PSMD1: variants seen among roughly 807,000 people sequenced by gnomAD.
PSMD1 encodes 26S proteasome non-ATPase regulatory subunit 1.
A neutral mutation model predicts 119.0 loss-of-function variants in PSMD1; 18 were observed. The ratio of observed to expected loss-of-function variants is 0.15; its 90% CI spans 0.10 to 0.22. PSMD1 has a LOEUF of 0.22. Ranked by LOEUF, PSMD1 falls within the 10% of genes least tolerant of loss-of-function variation. PSMD1 has a pLI of 1.00. For synonymous variants in PSMD1, 374 were observed against 396.6 expected, an observed-to-expected ratio of 0.94 and a Z score of 0.68; for missense variants, 702 against 1,158.5, an observed-to-expected ratio of 0.61 and a Z score of 5.72.
intron 17 of PSMD1, among the ~76,000 whole-genome samples, chr2:231,144,112 C>T (rs953449696): frequency 3.9e-5 from 6 of 152,198 alleles, no homozygotes; most frequent in African/African-American, 1.2e-4. Flanking sequence ...ATATTAGAGA[C>T]AGGGTCAACT....
chr2:231,169,442 G>A (rs1236196057), intron 23 of PSMD1, among the ~76,000 whole-genome samples: 1 of 152,116 alleles, frequency 6.6e-6, no homozygotes, highest in Admixed American at 6.5e-5. Flanking sequence ...TTCATAAAAT[G>A]GATCCTCTTC....
chr2:231,163,734 T>C lies in PSMD1; in HGVS notation c.2481+7T>C, dbSNP rs1559255355. 2 of 1,582,578 alleles carry C rather than the reference T, an allele frequency of 1.3e-6. No individual in the cohort carries two copies. Among genetic ancestry groups the C allele is most frequent in the South Asian group, 1.1e-5 (1 of 90,180 alleles). The stretch of plus-strand genomic sequence containing the variant: ...AGAAAAAGAAAAGGAAAAGGTAGGT[T>C]CTTTGTTCCTTTTAGCAGCATTTGT... On this transcript the variant is annotated splice_region_variant and intron_variant, in intron 21 of 24. Transcript: ENST00000308696.
chr2:231,085,994 C>G (rs1054456376), intron 15 of PSMD1, among the ~76,000 whole-genome samples: 1 of 150,824 alleles, frequency 6.6e-6, no homozygotes, highest in Non-Finnish European at 1.5e-5. Context: ...TCTAAATGTT[C>G]ATATTTTGCA....
At chr2:231,160,895 C>T (rs1191681066) in intron 19 of PSMD1, among the ~76,000 whole-genome samples, 1 of 152,142 alleles carries the variant, frequency 6.6e-6, no homozygotes, top group Non-Finnish European at 1.5e-5. Context: ...CCAGATGTTT[C>T]CCTACTGCAG....
chr2:231,102,038 T>C (rs777985204), intron 16 of PSMD1, among the ~76,000 whole-genome samples: 6 of 152,188 alleles, frequency 3.9e-5, no homozygotes, highest in Non-Finnish European at 8.8e-5. Flanking sequence ...CAGGCTCATC[T>C]TGACCTCTGG....
intron 19 of PSMD1, 43 bp downstream of exon 19, chr2:231,153,709 A>G (rs751606362): frequency 1.3e-5 from 17 of 1,276,910 alleles, no homozygotes; most frequent in Admixed American, 4.0e-5. Context: ...TTTAAACTAA[A>G]TCTAATAAAA....
chr2:231,102,735 C>A (rs1267414011), intron 16 of PSMD1, among the ~76,000 whole-genome samples: 1 of 149,806 alleles, frequency 6.7e-6, no homozygotes, highest in East Asian at 1.9e-4. Context: ...GAAGGGGAGG[C>A]AGAAGAAGTA....
intron 7 of PSMD1, among the ~76,000 whole-genome samples, chr2:231,074,430 A>G (rs1694114526): frequency 6.6e-6 from 1 of 151,898 alleles, no homozygotes; most frequent in Admixed American, 6.6e-5. Context: ...TGATTTAACA[A>G]GTTTTCTTTC....
intron 4 of PSMD1, among the ~76,000 whole-genome samples, chr2:231,064,196 C>T (rs551715762): frequency 1.1e-4 from 16 of 152,164 alleles, no homozygotes; most frequent in Non-Finnish European, 2.1e-4. Flanking sequence ...CACCCTTCCT[C>T]TAGTTTTGTA....
At chr2:231,074,309 T>C (rs1362477118) in intron 7 of PSMD1, among the ~76,000 whole-genome samples, 2 of 152,164 alleles carry the variant, frequency 1.3e-5, no homozygotes, top group East Asian at 3.9e-4. Flanking sequence ...TTTCACCATA[T>C]TGGCCAGGCT....
rs887258116 is a variant in PSMD1 at position 231,080,235 on chromosome 2, C to T, written c.1334C>T (p.Ala445Val). 1 of 1,612,808 alleles carries T rather than the reference C, an allele frequency of 6.2e-7. No homozygotes were observed. Among genetic ancestry groups the T allele is most frequent in the African/African-American group, 1.3e-5 (1 of 74,900 alleles). Reference sequence around the variant, plus strand: ...TATCAGGAAGGTGGAGGTCTCTATGCACTAGGTCTTATTCATGCCAATCAT... The same window carrying T: ...TATCAGGAAGGTGGAGGTCTCTATGTACTAGGTCTTATTCATGCCAATCAT... ...SAYQEGGGLY[A>V]LGLIHANHGG... Residue 445 changes from alanine (A) to valine (V), a missense_variant, in exon 12 of 25, where the codon GCA becomes GTA. Transcript: ENST00000308696.
intron 22 of PSMD1, among the ~76,000 whole-genome samples, 153 bp from the exon 23 acceptor site, chr2:231,165,718 T>C (rs558518039): frequency 3.9e-5 from 6 of 152,290 alleles, no homozygotes; most frequent in African/African-American, 1.4e-4. Flanking sequence ...TACTTTTCCC[T>C]CCTCTGAGTC....
intron 7 of PSMD1, among the ~76,000 whole-genome samples, chr2:231,074,850 C>CT (rs1348788155): frequency 1.3e-5 from 2 of 152,108 alleles, no homozygotes; most frequent in African/African-American, 2.4e-5. Context: ...TCTCCTGACT[C>CT]TGTTTCCTTT....
chr2:231,127,229 T>A (rs949341321), intron 16 of PSMD1, among the ~76,000 whole-genome samples: 4 of 151,862 alleles, frequency 2.6e-5, no homozygotes, highest in African/African-American at 9.7e-5. Flanking sequence ...GGACAAGCAC[T>A]TTGATAATAG....
In PSMD1 at chr2:231,071,640, C is replaced by T. The variant is rs369569984; in HGVS notation, c.655-549C>T. ...ATGTGTTTATTTTGAAGTTGAGTTA[C>T]TTGCTGCCTAAGGGAACAAGAAAAT... On this transcript the variant is annotated intron_variant, in intron 6 of 24. Transcript: ENST00000308696. Among the ~76,000 whole-genome samples, 10 of 152,182 alleles carry T rather than the reference C, an allele frequency of 6.6e-5. No individual in the cohort carries two copies. In the East Asian group the frequency reaches 1.9e-3, roughly 29 times the overall value.
At chr2:231,148,539 T>C (rs1696299779) in intron 18 of PSMD1, among the ~76,000 whole-genome samples, 1 of 152,230 alleles carries the variant, frequency 6.6e-6, no homozygotes, top group Admixed American at 6.5e-5. Flanking sequence ...ATCGGAATCT[T>C]AGACACTGAT....
chr2:231,061,339 T>TA lies in PSMD1; in HGVS notation c.60+29_60+30insA, dbSNP rs536290295. 5.3e-6 allele frequency: 8 copies of TA among 1,518,344 alleles called. No homozygotes were observed. In the African/African-American group the frequency reaches 9.7e-5, roughly 18 times the overall value. The allele number at this position is 1,518,344 out of a possible 1,614,324, so 94.1% of individuals were successfully genotyped here. On this transcript the variant is annotated intron_variant, in intron 2 of 24. Coordinates refer to ENST00000308696, the MANE Select transcript of PSMD1 (RefSeq NM_002807.4). Reference sequence around the variant, plus strand: ...TGAATTGAAGAATAAGTAACTAGGCTTAGTGTGAATACTGTGAAGCCTTTT... The same window carrying TA: ...TGAATTGAAGAATAAGTAACTAGGCTATAGTGTGAATACTGTGAAGCCTTTT...
chr2:231,172,125 G>A (rs1168252967), intron 24 of PSMD1, among the ~76,000 whole-genome samples: 1 of 152,120 alleles, frequency 6.6e-6, no homozygotes, highest in African/African-American at 2.4e-5. Context: ...TTATCTTTCA[G>A]CCTTGATAGT....
Position 231,170,661 on chromosome 2 carries a change from G to A in PSMD1, c.2811G>A (p.Glu937=), listed in dbSNP as rs1696891949. 6.2e-7 allele frequency: 1 copy of A among 1,614,076 alleles called. No individual in the cohort carries two copies. The highest frequency in any genetic ancestry group is 8.5e-7 in the Non-Finnish European group (1 of 1,179,992). ...CAGCACATGGCCCAAAAATCGAGGAGGAGGAACAAGAGCCAGAACCCCCAG... is the reference window on the plus strand; with the variant it reads ...CAGCACATGGCCCAAAAATCGAGGAAGAGGAACAAGAGCCAGAACCCCCAG... The part of the protein sequence containing the change: ...PVAAHGPKIE[E]EEQEPEPPEP... Residue 937 remains glutamate, a synonymous_variant, in exon 24 of 25, where the codon GAG becomes GAA. Transcript: ENST00000308696. The surrounding 1 kb of genome is among the most constrained non-coding windows in gnomAD (Gnocchi z 4.1).
Sources: gnomAD v4.1 joint callset for allele counts (sites outside exome capture counted in the v4.1 genomes callset) on GRCh38, gnomAD v4.1.1 for gene constraint, Gnocchi (gnomAD v3.1) non-coding constraint, MANE v1.5 for transcripts, NCBI Gene and HGNC (gene_info 2026-07-23, HGNC 2026-07-21) for gene names.